The following RFTN2 variants were observed in gnomAD, a reference collection of about 807,000 sequenced individuals.
The protein encoded by RFTN2 is raftlin family member 2, also known as raftlin-2.
RFTN2 carries 34 observed loss-of-function variants against 52.7 expected under a neutral mutation model. That is an observed-to-expected ratio of 0.64 (90% CI 0.49 to 0.86). RFTN2 has a LOEUF of 0.86. RFTN2 is among the 40% of genes least tolerant of loss of function. RFTN2 has a pLI of 0.00. For synonymous variants in RFTN2, 203 were observed against 217.7 expected (o/e 0.93, Z 0.59); for missense variants, 536 against 600.1 (o/e 0.89, Z 1.12).
chr2:197,585,612 C>T (rs1413271988), intron 8 of RFTN2, among the ~76,000 whole-genome samples: 1 of 152,298 alleles, frequency 6.6e-6, no homozygotes, highest in African/African-American at 2.4e-5. Flanking sequence ...TCACTCTCTG[C>T]TAGCCATTTC....
At chr2:197,590,879 G>C (rs1416262519) in intron 8 of RFTN2, among the ~76,000 whole-genome samples, 2 of 152,190 alleles carry the variant, frequency 1.3e-5, no homozygotes, top group Non-Finnish European at 2.9e-5. Context: ...TGGACCCAAA[G>C]AGGGAGCAGC....
intron 6 of RFTN2, 90 bp from the exon 7 acceptor site, chr2:197,616,069 G>A: frequency 1.4e-6 from 1 of 727,724 alleles, no homozygotes. Context: ...TTAGGATGAG[G>A]GGAGTTCACT....
chr2:197,602,440 A>C (rs1012747028), intron 7 of RFTN2, among the ~76,000 whole-genome samples: 3 of 152,150 alleles, frequency 2.0e-5, no homozygotes, highest in African/African-American at 7.2e-5. Flanking sequence ...TTGGTTCAAT[A>C]TGTGCCCATA....
At chr2:197,595,961 T>A (rs1387919533) in intron 8 of RFTN2, 30 bp downstream of exon 8, 5 of 1,358,286 alleles carry the variant, frequency 3.7e-6, no homozygotes, top group Admixed American at 1.7e-5. Context: ...CAATATAACA[T>A]TCAGTTAATA....
chr2:197,648,616 T>C (rs2088784911), intron 1 of RFTN2, among the ~76,000 whole-genome samples: 1 of 152,244 alleles, frequency 6.6e-6, no homozygotes, highest in Admixed American at 6.5e-5. Context: ...TTTAGAACTA[T>C]ATACTAATCT....
At position 197,600,593 on chromosome 2, in the gene RFTN2, T is replaced by C. The variant is rs563413492; in HGVS notation, c.1155-4524A>G. ...CAAGTAAGTCCCTTATGGTTCTCAGTGGTTCCTGAGATAATTCTATTTACA... is the reference window on the plus strand; with the variant it reads ...CAAGTAAGTCCCTTATGGTTCTCAGCGGTTCCTGAGATAATTCTATTTACA... On this transcript the variant is annotated intron_variant, in intron 7 of 8. Transcript: ENST00000295049. Among the ~76,000 whole-genome samples the C allele has an allele frequency of 9.0e-4, 137 of 152,266 alleles. 1 individual carries two copies. The highest frequency in any genetic ancestry group is 3.1e-3 in the African/African-American group (130 of 41,556).
rs1409159505 is a variant in RFTN2, at chr2:197,571,188, CTT to C, written c.*818_*819del. The stretch of plus-strand genomic sequence containing the variant: ...TTCAAATCTAGACAGATGTAAAAGA[CTT>C]CAGTTTCAAATTGAAGTTGATATTT... On this transcript the variant is annotated 3_prime_UTR_variant, in exon 9 of 9. Coordinates refer to ENST00000295049, the MANE Select transcript of RFTN2 (RefSeq NM_144629.3). The C allele has an allele frequency of 6.6e-6, 1 of 152,222 alleles. No homozygotes were observed. Among genetic ancestry groups the C allele is most frequent in the Non-Finnish European group, 1.5e-5 (1 of 68,018 alleles). 9.4% of individuals were successfully genotyped at this position (152,222 alleles called of 1,614,324 possible). A position where few individuals can be genotyped will look rare whatever the true frequency, so the allele number is the denominator to read the frequency against.
At chr2:197,639,342 C>T (rs1271426193) in intron 3 of RFTN2, among the ~76,000 whole-genome samples, 1 of 151,328 alleles carries the variant, frequency 6.6e-6, no homozygotes, top group Non-Finnish European at 1.5e-5. Context: ...TGTTTTCCAA[C>T]TTGGTTCCAT....
Position 197,625,331 on chromosome 2 carries a change from A to G in RFTN2, c.928+5680T>C, listed in dbSNP as rs544947766. Among the ~76,000 whole-genome samples the G allele has an allele frequency of 6.6e-5, 10 of 152,202 alleles. No individual in the cohort carries two copies. The South Asian group carries it at 2.1e-3, about 32-fold the overall frequency. On this transcript the variant is annotated intron_variant, in intron 5 of 8. Transcript: ENST00000295049. ...CACATGTTTGAAGGGCTCCCAGGGAATGGTTTACTTTTCTGGACATGTCTT... is the reference window on the plus strand; with the variant it reads ...CACATGTTTGAAGGGCTCCCAGGGAGTGGTTTACTTTTCTGGACATGTCTT...
rs571389515 is a variant in RFTN2 at position 197,590,056 on chromosome 2, C to T, written c.1233+5935G>A. On this transcript the variant is annotated intron_variant, in intron 8 of 8. Coordinates refer to ENST00000295049, the MANE Select transcript of RFTN2 (RefSeq NM_144629.3). ...CCAAGTAGCTGGGATTACCCGTGTG[C>T]GCCACCATGCCCAGCTAATTTTTGT... Among the ~76,000 whole-genome samples, 209 of 150,558 alleles carry T rather than the reference C, an allele frequency of 1.4e-3. 3 individuals are homozygous for T. Among genetic ancestry groups the T allele is most frequent in the South Asian group, 8.5e-3 (40 of 4,698 alleles).
At chr2:197,591,610 C>T (rs545785427) in intron 8 of RFTN2, among the ~76,000 whole-genome samples, 10 of 152,312 alleles carry the variant, frequency 6.6e-5, no homozygotes, top group South Asian at 4.1e-4. Flanking sequence ...CAGGGGGCAG[C>T]ACTCATTGGG....
At chr2:197,574,035 T>C (rs2087371189) in intron 8 of RFTN2, among the ~76,000 whole-genome samples, 1 of 152,206 alleles carries the variant, frequency 6.6e-6, no homozygotes, top group African/African-American at 2.4e-5. Flanking sequence ...TGGAGAACCT[T>C]GCTAGGGCAG....
chr2:197,626,286 C>T (rs904194510), intron 5 of RFTN2, among the ~76,000 whole-genome samples: 1 of 152,022 alleles, frequency 6.6e-6, no homozygotes, highest in African/African-American at 2.4e-5. Context: ...ATAAGCATGG[C>T]CTGGCACGAT....
At chr2:197,618,007 G>A in intron 5 of RFTN2, 86 bp from the exon 6 acceptor site, 1 of 1,054,800 alleles carries the variant, frequency 9.5e-7, no homozygotes, top group South Asian at 2.1e-5. Flanking sequence ...ACTCATATAG[G>A]AAACTGAAGG....
chr2:197,659,023 T>A (rs2088934966), intron 1 of RFTN2, among the ~76,000 whole-genome samples: 1 of 152,158 alleles, frequency 6.6e-6, no homozygotes, highest in South Asian at 2.1e-4. Flanking sequence ...AAAGATCAAA[T>A]TTTTAAAAAT....
chr2:197,587,606 C>T (rs537492108), intron 8 of RFTN2, among the ~76,000 whole-genome samples: 1 of 152,038 alleles, frequency 6.6e-6, no homozygotes, highest in East Asian at 1.9e-4. Context: ...AACGGCCCTA[C>T]CCCTTTCTCC....
At chr2:197,577,740 C>A (rs929562350) in intron 8 of RFTN2, among the ~76,000 whole-genome samples, 1 of 152,190 alleles carries the variant, frequency 6.6e-6, no homozygotes, top group African/African-American at 2.4e-5. Flanking sequence ...GTAGCACAAT[C>A]TCCACTCACT....
chr2:197,614,409 C>T (rs976790685), intron 7 of RFTN2, among the ~76,000 whole-genome samples: 2 of 152,100 alleles, frequency 1.3e-5, no homozygotes, highest in African/African-American at 4.8e-5. Context: ...CACTGCATCC[C>T]ACCTCTACCC....
chr2:197,659,526 A>G (rs183757224), intron 1 of RFTN2, among the ~76,000 whole-genome samples: 51 of 151,850 alleles, frequency 3.4e-4, no homozygotes, highest in African/African-American at 1.1e-3. Flanking sequence ...AGATAAAAAT[A>G]CAATGTACAG....
Sources: allele counts gnomAD v4.1 joint callset (sites outside exome capture counted in the v4.1 genomes callset), GRCh38; gene constraint gnomAD v4.1.1; transcripts MANE v1.5; gene names NCBI Gene and HGNC (gene_info 2026-07-23, HGNC 2026-07-21).